USP8: variants seen among roughly 807,000 people sequenced by gnomAD.
The protein encoded by USP8 is ubiquitin specific peptidase 8.
A neutral mutation model predicts 130.0 loss-of-function variants in USP8; 27 were observed. The ratio of observed to expected loss-of-function variants is 0.21; its 90% CI spans 0.15 to 0.29. The LOEUF (loss-of-function observed/expected upper bound fraction) is 0.29, where lower values mean the gene tolerates loss of function less well. Among genes scored for constraint, USP8 ranks in the 10% least tolerant of loss-of-function variants. USP8 has a pLI of 1.00. For missense variants in USP8, 1,029 were observed against 1,312.2 expected, an observed-to-expected ratio of 0.78 and a Z score of 3.33; for synonymous variants, 392 against 444.1, an observed-to-expected ratio of 0.88 and a Z score of 1.48.
chr15:50,446,284 C>T (rs2050440494), intron 3 of USP8, among the ~76,000 whole-genome samples: 1 of 152,046 alleles, frequency 6.6e-6, no homozygotes, highest in South Asian at 2.1e-4. Context: ...AACTGTGCTC[C>T]TTTAAGAGCA....
At chr15:50,448,276 A>G (rs972285000) in intron 3 of USP8, among the ~76,000 whole-genome samples, 16 of 152,168 alleles carry the variant, frequency 1.1e-4, no homozygotes, top group Non-Finnish European at 1.3e-4. Flanking sequence ...CTCTATTTGC[A>G]AAGTCATATT....
intron 11 of USP8, among the ~76,000 whole-genome samples, chr15:50,483,053 A>T (rs1210551972): frequency 6.6e-6 from 1 of 152,224 alleles, no homozygotes; most frequent in Non-Finnish European, 1.5e-5. Context: ...TCACAGGAGG[A>T]GCAAAACATG....
Position 50,478,694 on chromosome 15 carries a change from G to C in USP8, c.1218+1195G>C, listed in dbSNP as rs541209589. The stretch of plus-strand genomic sequence containing the variant: ...AATCTATTTAAACGCTAATCCTTTT[G>C]TGTCCCAACATAACTTTATGAGATA... On this transcript the variant is annotated intron_variant, in intron 10 of 19. Coordinates refer to ENST00000307179, the MANE Select transcript of USP8 (RefSeq NM_005154.5). Among the ~76,000 whole-genome samples the C allele has an allele frequency of 3.9e-5, 6 of 152,268 alleles. No homozygotes were observed. In the East Asian group the frequency reaches 7.7e-4, roughly 20 times the overall value.
chr15:50,467,170 CAT>C (rs777512997), intron 7 of USP8: 8 of 205,828 alleles, frequency 3.9e-5, no homozygotes, highest in South Asian at 2.4e-4. Flanking sequence ...TCTAATTAAA[CAT>C]GTGAATATAT....
intron 6 of USP8, among the ~76,000 whole-genome samples, chr15:50,463,819 C>T (rs2051093848): frequency 6.6e-6 from 1 of 152,208 alleles, no homozygotes; most frequent in Non-Finnish European, 1.5e-5. Flanking sequence ...TATATAATCT[C>T]AACTCTCTTG....
intron 18 of USP8, chr15:50,498,389 C>A (rs1219303525): frequency 3.5e-6 from 2 of 567,858 alleles, no homozygotes; most frequent in African/African-American, 3.8e-5. Flanking sequence ...TTAGGCACAT[C>A]ATTAAATATC....
intron 4 of USP8, among the ~76,000 whole-genome samples, chr15:50,457,590 C>T (rs112886078): frequency 0.043 from 6,218 of 143,116 alleles, 429 homozygotes; most frequent in African/African-American, 0.15. Flanking sequence ...CAGCCAGCCA[C>T]GGTGGCTCAC....
chr15:50,492,277 G>GT (rs1215662015), intron 14 of USP8, among the ~76,000 whole-genome samples: 3 of 151,856 alleles, frequency 2.0e-5, no homozygotes, highest in East Asian at 1.9e-4. Context: ...CCACGGTATG[G>GT]TTTTTTTTGT....
At chr15:50,452,554 C>T (rs546245253) in intron 4 of USP8, among the ~76,000 whole-genome samples, 1 of 152,278 alleles carries the variant, frequency 6.6e-6, no homozygotes, top group Non-Finnish European at 1.5e-5. Flanking sequence ...GCTGACTGTG[C>T]TTACTTCTTA....
chr15:50,426,907 A>C (rs1018487659), intron 1 of USP8: 1 of 152,000 alleles, frequency 6.6e-6, no homozygotes, highest in Non-Finnish European at 1.5e-5. Flanking sequence ...TTTATATAGC[A>C]GATGAAGAAT....
intron 7 of USP8, among the ~76,000 whole-genome samples, chr15:50,468,404 G>A (rs1438130217): frequency 2.1e-5 from 3 of 144,780 alleles, no homozygotes; most frequent in Admixed American, 1.4e-4. Context: ...CACCACACCC[G>A]GCTAATTTTT....
intron 1 of USP8, among the ~76,000 whole-genome samples, chr15:50,437,501 G>A (rs1469634753): frequency 6.6e-6 from 1 of 152,160 alleles, no homozygotes; most frequent in Non-Finnish European, 1.5e-5. Flanking sequence ...AGGTGAGAAG[G>A]CGGGCAGGGT....
At chr15:50,437,104 C>A (rs2050114285) in intron 1 of USP8, among the ~76,000 whole-genome samples, 2 of 152,104 alleles carry the variant, frequency 1.3e-5, no homozygotes, top group South Asian at 4.1e-4. Flanking sequence ...ATGTATGTTG[C>A]ATTGCTTTAC....
At chr15:50,477,812 G>T (rs545184104) in intron 10 of USP8, among the ~76,000 whole-genome samples, 10 of 149,446 alleles carry the variant, frequency 6.7e-5, no homozygotes, top group Non-Finnish European at 1.3e-4. Flanking sequence ...CTGCACCCCA[G>T]CCTGGGTGAC....
chr15:50,446,806 C>T (rs2050457282), intron 3 of USP8, among the ~76,000 whole-genome samples: 1 of 152,204 alleles, frequency 6.6e-6, no homozygotes, highest in African/African-American at 2.4e-5. Flanking sequence ...CACTCTGTTG[C>T]TCAGGCTGAA....
intron 8 of USP8, among the ~76,000 whole-genome samples, chr15:50,472,552 G>A (rs1310199945): frequency 6.8e-6 from 1 of 146,520 alleles, no homozygotes; most frequent in Admixed American, 6.9e-5. Context: ...AGCAGAGATC[G>A]CACCACTGCA....
At chr15:50,447,489 C>T (rs1420594139) in intron 3 of USP8, among the ~76,000 whole-genome samples, 1 of 152,158 alleles carries the variant, frequency 6.6e-6, no homozygotes, top group African/African-American at 2.4e-5. Context: ...GATCCACCCA[C>T]CTCAGCCTCC....
intron 8 of USP8, among the ~76,000 whole-genome samples, chr15:50,472,088 AG>A (rs1292163129): frequency 6.6e-6 from 1 of 151,604 alleles, no homozygotes; most frequent in African/African-American, 2.4e-5. Flanking sequence ...TTTAGAAGAG[AG>A]GGGGTTTCAC....
intron 14 of USP8, among the ~76,000 whole-genome samples, chr15:50,491,832 G>A (rs972600356): frequency 1.3e-5 from 2 of 152,104 alleles, no homozygotes; most frequent in African/African-American, 4.8e-5. Context: ...GTCCAGTATG[G>A]TTTGTGTCTA....
Sources: gnomAD v4.1 joint callset for allele counts (sites outside exome capture counted in the v4.1 genomes callset) on GRCh38, gnomAD v4.1.1 for gene constraint, MANE v1.5 for transcripts, NCBI Gene and HGNC (gene_info 2026-07-23, HGNC 2026-07-21) for gene names.